The following ABR variants were observed in gnomAD, a reference collection of about 807,000 sequenced individuals.
The protein encoded by ABR is ABR activator of RhoGEF and GTPase.
A neutral mutation model predicts 107.2 loss-of-function variants in ABR; 35 were observed. The ratio of observed to expected loss-of-function variants is 0.33; its 90% CI spans 0.25 to 0.43. ABR has a LOEUF of 0.43. ABR is among the 20% of genes least tolerant of loss of function. ABR has a pLI of 1.00. For synonymous variants in ABR, 498 were observed against 462.0 expected, an observed-to-expected ratio of 1.08 and a Z score of -1.00; for missense variants, 815 against 1,115.2, an observed-to-expected ratio of 0.73 and a Z score of 3.83.
At chr17:1,202,503 G>A (rs1204836332) in intron 1 of ABR, among the ~76,000 whole-genome samples, 1 of 152,106 alleles carries the variant, frequency 6.6e-6, no homozygotes, top group Non-Finnish European at 1.5e-5. Context: ...AAACACACAC[G>A]TGCCCACTCA....
chr17:1,108,859 C>G, intron 2 of ABR: 1 of 1,464,540 alleles, frequency 6.8e-7, no homozygotes, highest in Non-Finnish European at 9.0e-7. Context: ...GCGCCCGCAT[C>G]AGCCATTTCT....
chr17:1,162,719 T>C (rs2041352982), intron 1 of ABR, among the ~76,000 whole-genome samples: 1 of 151,168 alleles, frequency 6.6e-6, no homozygotes, highest in Non-Finnish European at 1.5e-5. Flanking sequence ...CTCACACCTG[T>C]CATCCCAGCA....
rs964356045 is a variant in ABR, at chr17:1,051,431, G to A, written c.1562-797C>T. On this transcript the variant is annotated intron_variant, in intron 14 of 22. Coordinates refer to ENST00000302538, the MANE Select transcript of ABR (RefSeq NM_021962.5). The surrounding 1 kb of genome is among the most constrained non-coding windows in gnomAD (Gnocchi z 4.3). The stretch of plus-strand genomic sequence containing the variant: ...ACAAGGCAGTGGAGGGCTGGGGCGG[G>A]AGGGCAGGGCCGGGGGCTTTCCCCG... 6.7e-6 allele frequency among the ~76,000 whole-genome samples: 1 copy of A among 149,936 alleles called. No homozygotes were observed. Among genetic ancestry groups the A allele is most frequent in the Admixed American group, 6.6e-5 (1 of 15,100 alleles).
chr17:1,176,182 C>T (rs1306324063), intron 1 of ABR, among the ~76,000 whole-genome samples: 2 of 150,924 alleles, frequency 1.3e-5, no homozygotes, highest in Non-Finnish European at 2.9e-5. Context: ...TCAGTGGGTT[C>T]AGACAGCCTC....
At chr17:1,030,327 T>C (rs1261844042) in intron 16 of ABR, among the ~76,000 whole-genome samples, 3 of 152,214 alleles carry the variant, frequency 2.0e-5, no homozygotes, top group Non-Finnish European at 4.4e-5. Flanking sequence ...ACCTGCCAGG[T>C]CAGTTTCTTG....
At chr17:1,075,422 T>G (rs2035621321) in intron 6 of ABR, among the ~76,000 whole-genome samples, 1 of 152,252 alleles carries the variant, frequency 6.6e-6, no homozygotes. Flanking sequence ...CTGATAGTTC[T>G]CCAAAGCCTG....
intron 1 of ABR, among the ~76,000 whole-genome samples, chr17:1,203,272 G>A (rs2042705917): frequency 6.6e-6 from 1 of 151,600 alleles, no homozygotes; most frequent in African/African-American, 2.4e-5. Flanking sequence ...ATCCAGCCAG[G>A]CTCCCGCGCA....
rs554557209 is a variant in ABR, at chr17:1,086,505, T to C, written c.532-2878A>G. On this transcript the variant is annotated intron_variant, in intron 4 of 22. Coordinates refer to ENST00000302538, the MANE Select transcript of ABR (RefSeq NM_021962.5). ...GATATATGTGTATACTTATACACTT[T>C]TTTTTTTTTTTTTGAGATGGAGTCT... Among the ~76,000 whole-genome samples the C allele has an allele frequency of 1.4e-4, 21 of 150,884 alleles. No homozygotes were observed. The South Asian group carries it at 3.8e-3, about 27-fold the overall frequency.
chr17:1,100,320 G>C (rs375593560), intron 3 of ABR, among the ~76,000 whole-genome samples: 18 of 152,226 alleles, frequency 1.2e-4, no homozygotes, highest in African/African-American at 4.3e-4. Flanking sequence ...CTCGGCCCCC[G>C]CCCAGGCAGG....
rs1413268214 is a variant in ABR at position 1,157,720 on chromosome 17, C to T, written c.61+21947G>A. Among the ~76,000 whole-genome samples, 4 of 152,382 alleles carry T rather than the reference C, an allele frequency of 2.6e-5. No individual in the cohort carries two copies. Among genetic ancestry groups the T allele is most frequent in the East Asian group, 3.9e-4 (2 of 5,186 alleles). On this transcript the variant is annotated intron_variant, in intron 1 of 22. Coordinates refer to ENST00000302538, the MANE Select transcript of ABR (RefSeq NM_021962.5). The surrounding 1 kb of genome is among the most constrained non-coding windows in gnomAD (Gnocchi z 4.7). ...GGAACCGGCAGGCACACCGCTCTCA[C>T]GCCAATGCGTGCGGACAGCCTGGTG...
In ABR at chr17:1,185,500, C is replaced by T. The variant is rs535954974; in HGVS notation, c.-78+1300G>A. 1.1e-4 allele frequency among the ~76,000 whole-genome samples: 17 copies of T among 151,916 alleles called. No homozygotes were observed. In the East Asian group the frequency reaches 3.3e-3, roughly 30 times the overall value. ...TCTCTACTAAAAATACAAAAATTAG[C>T]TGGGCGTGGTGGCGGGCACCTGTAA... On this transcript the variant is annotated intron_variant, in intron 1 of 22. Coordinates refer to the ABR transcript ENST00000544583.
chr17:1,031,744 CG>C (rs371587357), intron 16 of ABR: 84 of 1,235,988 alleles, frequency 6.8e-5, no homozygotes, highest in South Asian at 1.1e-4. Context: ...TCGGTCATGC[CG>C]GGGGGGACGG....
In ABR at chr17:1,011,699, A is replaced by T; in HGVS notation, c.2101+147T>A. 2.0e-6 allele frequency: 2 copies of T among 992,054 alleles called. No individual in the cohort carries two copies. The highest frequency in any genetic ancestry group is 1.4e-6 in the Non-Finnish European group (1 of 714,074). 61.5% of individuals were successfully genotyped at this position (992,054 alleles called of 1,614,324 possible). A position where few individuals can be genotyped will look rare whatever the true frequency, so the allele number is the denominator to read the frequency against. ...ACAAGAGATTGGAGGGGAGGGGATT[A>T]CAAGAGAAAGCACTTGCCACGGGGA... On this transcript the variant is annotated intron_variant, in intron 19 of 22. Transcript: ENST00000302538. The surrounding 1 kb of genome is among the most constrained non-coding windows in gnomAD (Gnocchi z 4.8).
At chr17:1,211,266 G>A (rs2042896167) in intron 1 of ABR, among the ~76,000 whole-genome samples, 1 of 151,994 alleles carries the variant, frequency 6.6e-6, no homozygotes, top group South Asian at 2.1e-4. Flanking sequence ...GCGACAGAGT[G>A]AGGCTCCGTC....
At chr17:1,203,425 G>T (rs1282614370) in intron 1 of ABR, among the ~76,000 whole-genome samples, 1 of 27,486 alleles carries the variant, frequency 3.6e-5, no homozygotes, top group Non-Finnish European at 9.0e-5. Context: ...GCGGGGGCGG[G>T]GCCCGCGGGG....
In ABR at chr17:1,031,985, GGCCCAGGGCCGCCCCTCCAA is replaced by G. The variant is rs2072845067; in HGVS notation, c.1791+18045_1791+18064del. Reference sequence around the variant, plus strand: ...AGCCCAGGCTGAGCGCCGCCTCCCAGGCCCAGGGCCGCCCCTCCAAGCCCCAACCCCGGGTTTCATCCCTG... The same window carrying G: ...AGCCCAGGCTGAGCGCCGCCTCCCAGGCCCCAACCCCGGGTTTCATCCCTG... On this transcript the variant is annotated intron_variant, in intron 16 of 22. Coordinates refer to ENST00000302538, the MANE Select transcript of ABR (RefSeq NM_021962.5). 4 of 686,436 alleles carry G rather than the reference GGCCCAGGGCCGCCCCTCCAA, an allele frequency of 5.8e-6. No homozygotes were observed. The South Asian group carries it at 2.2e-4, about 38-fold the overall frequency. 42.5% of individuals were successfully genotyped at this position (686,436 alleles called of 1,614,324 possible).
chr17:1,011,624 A>G lies in ABR; in HGVS notation c.2101+222T>C. ...ACCTACAAGTTGGGTCATCCTGGGC[A>G]AGTGAGTCGGCCCTTGTGAGTTTCT... On this transcript the variant is annotated intron_variant, in intron 19 of 22. Coordinates refer to ENST00000302538, the MANE Select transcript of ABR (RefSeq NM_021962.5). This position sits in a 1 kb window ranked among gnomAD's most constrained non-coding sequence, Gnocchi z 4.8. The G allele has an allele frequency of 2.3e-6, 1 of 439,164 alleles. No homozygotes were observed. Among genetic ancestry groups the G allele is most frequent in the Non-Finnish European group, 3.8e-6 (1 of 259,750 alleles). 27.2% of individuals were successfully genotyped at this position (439,164 alleles called of 1,614,324 possible).
chr17:1,161,243 C>T (rs1311361547), intron 1 of ABR, among the ~76,000 whole-genome samples: 1 of 151,452 alleles, frequency 6.6e-6, no homozygotes, highest in Non-Finnish European at 1.5e-5. Flanking sequence ...ACCCACAAGT[C>T]CAGTCTTTTT....
At chr17:1,099,474 C>T (rs1304489286) in intron 3 of ABR, among the ~76,000 whole-genome samples, 1 of 152,190 alleles carries the variant, frequency 6.6e-6, no homozygotes, top group African/African-American at 2.4e-5. Context: ...CAACACCTCA[C>T]GTCATGGCAA....
Sources: gnomAD v4.1 joint callset for allele counts (sites outside exome capture counted in the v4.1 genomes callset) on GRCh38, gnomAD v4.1.1 for gene constraint, Gnocchi (gnomAD v3.1) non-coding constraint, MANE v1.5 for transcripts, NCBI Gene and HGNC (gene_info 2026-07-23, HGNC 2026-07-21) for gene names.